Variants in CREBBP observed in about 807,000 individuals in gnomAD.
CREBBP encodes CREB binding lysine acetyltransferase, also known as CREB-binding protein.
Under a neutral mutation model 265.0 loss-of-function variants are expected in CREBBP, and 19 were observed. The ratio of observed to expected loss-of-function variants is 0.07; its 90% confidence interval spans 0.05 to 0.11. The LOEUF (loss-of-function observed/expected upper bound fraction) is 0.11, where lower values mean the gene tolerates loss of function less well. Ranked by LOEUF, CREBBP falls within the 10% of genes least tolerant of loss-of-function variation. CREBBP has a pLI of 1.00. For synonymous variants in CREBBP, 1,457 were observed against 1,223.7 expected (o/e 1.19, Z -3.98); for missense variants, 2,525 against 3,219.0 (o/e 0.78, Z 5.22).
At chr16:3,741,715 G>A (rs1328661587) in intron 23 of CREBBP, 2 of 152,056 alleles carry the variant, frequency 1.3e-5, no homozygotes, top group African/African-American at 4.8e-5. Context: ...TGAGGCGAGT[G>A]GATCACCTGA....
chr16:3,819,076 G>C (rs145548357), intron 2 of CREBBP, among the ~76,000 whole-genome samples: 1 of 152,378 alleles, frequency 6.6e-6, no homozygotes, highest in African/African-American at 2.4e-5. Flanking sequence ...ATGAAAACAG[G>C]GTGGCAAAGT....
At chr16:3,733,054 G>T (rs927166458) in intron 28 of CREBBP, among the ~76,000 whole-genome samples, 1 of 151,986 alleles carries the variant, frequency 6.6e-6, no homozygotes, top group Non-Finnish European at 1.5e-5. Flanking sequence ...AAAGAGAGGG[G>T]TCAGTCCAGA....
chr16:3,851,080 T>C, intron 1 of CREBBP, 71 bp from the exon 2 acceptor site: 1 of 1,343,914 alleles, frequency 7.4e-7, no homozygotes, highest in East Asian at 2.3e-5. Context: ...CACGTTTCTA[T>C]GATCTTAACC....
intron 14 of CREBBP, 36 bp downstream of exon 14, chr16:3,770,534 T>A (rs774422223): frequency 1.2e-5 from 20 of 1,605,750 alleles, no homozygotes; most frequent in African/African-American, 4.0e-5. Context: ...CTTCTAAGAG[T>A]CTTGGCCCAA....
intron 2 of CREBBP, among the ~76,000 whole-genome samples, chr16:3,847,329 CA>C (rs2054688635): frequency 6.6e-6 from 1 of 152,028 alleles, no homozygotes; most frequent in Non-Finnish European, 1.5e-5. Flanking sequence ...GTTCTTAAAA[CA>C]AAATTATCTT....
Position 3,791,988 on chromosome 16 carries a change from G to A in CREBBP, c.1323C>T (p.Asn441=). 1 of 1,613,366 alleles carries A rather than the reference G, an allele frequency of 6.2e-7. No homozygotes were observed. Among genetic ancestry groups the A allele is most frequent in the Non-Finnish European group, 8.5e-7 (1 of 1,179,300 alleles). The change falls in exon 5 of 31, where the codon AAC becomes AAT. Residue 441 remains asparagine, a synonymous_variant. Transcript: ENST00000262367. ...LPLKNASDKR[N]QQTILGSPAS... ...GCCCCCGTGCTCACTTACTTTGTTG[G>A]TTTCGCTTGTCACTGGCATTTTTCA...
chr16:3,749,724 T>G (rs773609163), intron 20 of CREBBP, 41 bp from the exon 21 acceptor site: 1 of 1,363,756 alleles, frequency 7.3e-7, no homozygotes, highest in Admixed American at 1.8e-5. Flanking sequence ...TAACTAAAAT[T>G]TATCTGTTGA....
chr16:3,870,949 A>G (rs1421812076), intron 1 of CREBBP, among the ~76,000 whole-genome samples: 3 of 151,566 alleles, frequency 2.0e-5, no homozygotes, highest in African/African-American at 7.3e-5. Flanking sequence ...GAAGGATGGG[A>G]GTTCAAGACC....
chr16:3,816,700 T>TAGAGG (rs1297564766), intron 2 of CREBBP, among the ~76,000 whole-genome samples: 1 of 152,186 alleles, frequency 6.6e-6, no homozygotes, highest in African/African-American at 2.4e-5. Flanking sequence ...TCTAGAGGAT[T>TAGAGG]ATCTGTCACA....
intron 16 of CREBBP, among the ~76,000 whole-genome samples, chr16:3,764,429 C>G (rs1012404402): frequency 6.6e-6 from 1 of 151,200 alleles, no homozygotes; most frequent in Admixed American, 6.6e-5. Context: ...GGTGCACCAC[C>G]ACACCTGGCT....
intron 5 of CREBBP, among the ~76,000 whole-genome samples, chr16:3,790,139 A>G (rs2053473228): frequency 6.6e-6 from 1 of 152,166 alleles, no homozygotes; most frequent in Non-Finnish European, 1.5e-5. Flanking sequence ...AATGTGCCCT[A>G]AAACACAAGA....
chr16:3,872,288 C>G (rs988004268), intron 1 of CREBBP, among the ~76,000 whole-genome samples: 22 of 152,204 alleles, frequency 1.4e-4, no homozygotes, highest in African/African-American at 5.1e-4. Context: ...GCCTTTCACA[C>G]AGCCTTGCCC....
At chr16:3,793,220 C>T (rs2053540928) in intron 4 of CREBBP, among the ~76,000 whole-genome samples, 166 bp downstream of exon 4, 1 of 152,222 alleles carries the variant, frequency 6.6e-6, no homozygotes, top group Admixed American at 6.5e-5. Context: ...CCTGGAGCAC[C>T]TGACTGTCGT....
In CREBBP at chr16:3,768,153, T is replaced by G. The variant is rs1375200811; in HGVS notation, c.3061-244A>C. Among the ~76,000 whole-genome samples, 6 of 119,570 alleles carry G rather than the reference T, an allele frequency of 5.0e-5. No homozygotes were observed. The East Asian group carries it at 1.2e-3, about 23-fold the overall frequency. The allele number at this position is 119,570 out of a possible 152,430, so 78.4% of individuals were successfully genotyped here. A position where few individuals can be genotyped will look rare whatever the true frequency, so the allele number is the denominator to read the frequency against. On this transcript the variant is annotated intron_variant, in intron 15 of 30. Coordinates refer to ENST00000262367, the MANE Select transcript of CREBBP (RefSeq NM_004380.3). Reference sequence around the variant, plus strand: ...TTAAAAGTGTTTTTTTTTTTTTTTTTTTTTTTTTTTTTTTTTGAGACAGAG... The same window carrying G: ...TTAAAAGTGTTTTTTTTTTTTTTTTGTTTTTTTTTTTTTTTTGAGACAGAG...
chr16:3,795,364 G>A (rs1008696397), intron 3 of CREBBP, among the ~76,000 whole-genome samples: 2 of 152,164 alleles, frequency 1.3e-5, no homozygotes, highest in African/African-American at 4.8e-5. Context: ...CACTACTAAA[G>A]CGTTGATAGG....
At chr16:3,737,278 G>A (rs745763158) in intron 26 of CREBBP, among the ~76,000 whole-genome samples, 1 of 132,944 alleles carries the variant, frequency 7.5e-6, no homozygotes, top group Non-Finnish European at 1.5e-5. Context: ...CAGGTCTAGA[G>A]TACAGAAACC....
In CREBBP at chr16:3,880,471, C is replaced by T. The variant is rs2055510423; in HGVS notation, c.-555G>A. 1.4e-5 allele frequency: 2 copies of T among 145,828 alleles called. No homozygotes were observed. Among genetic ancestry groups the T allele is most frequent in the Admixed American group, 1.4e-4 (2 of 14,570 alleles). 9.0% of individuals were successfully genotyped at this position (145,828 alleles called of 1,614,324 possible). A position where few individuals can be genotyped will look rare whatever the true frequency, so the allele number is the denominator to read the frequency against. On this transcript the variant is annotated 5_prime_UTR_variant, in exon 1 of 31. Transcript: ENST00000262367. Reference sequence around the variant, plus strand: ...GGGTCGCCGCCGCCGCCGCGGCCCCCCCACCCCCCGTTCCGCCGCCGCCGC... The same window carrying T: ...GGGTCGCCGCCGCCGCCGCGGCCCCTCCACCCCCCGTTCCGCCGCCGCCGC...
chr16:3,732,942 C>T (rs12051217), intron 28 of CREBBP, among the ~76,000 whole-genome samples: 10,142 of 152,006 alleles, frequency 0.067, 839 homozygotes, highest in East Asian at 0.19. Flanking sequence ...TCGGGTGATC[C>T]GCCCGCCTGA....
rs2151317782 is a variant in CREBBP, at chr16:3,731,489, G to A, written c.4891-16C>T. 2 of 1,570,186 alleles carry A rather than the reference G, an allele frequency of 1.3e-6. No homozygotes were observed. Among genetic ancestry groups the A allele is most frequent in the Non-Finnish European group, 1.7e-6 (2 of 1,160,476 alleles). On this transcript the variant is annotated splice_polypyrimidine_tract_variant and intron_variant, in intron 29 of 30. Transcript: ENST00000262367. The surrounding 1 kb of genome is among the most constrained non-coding windows in gnomAD (Gnocchi z 7.7). ...CGAAGAAGACCTGCAGGAGAGGAGGGGCTTTAGTCCCACACAAGGGACATG... is the reference window on the plus strand; with the variant it reads ...CGAAGAAGACCTGCAGGAGAGGAGGAGCTTTAGTCCCACACAAGGGACATG...
Sources: gnomAD v4.1 joint callset for allele counts (sites outside exome capture counted in the v4.1 genomes callset) on GRCh38, gnomAD v4.1.1 for gene constraint, Gnocchi (gnomAD v3.1) non-coding constraint, MANE v1.5 for transcripts, NCBI Gene and HGNC (gene_info 2026-07-23, HGNC 2026-07-21) for gene names.